RLN2: variants seen among roughly 807,000 people sequenced by gnomAD.
The protein encoded by RLN2 is prorelaxin H2.
RLN2 carries 10 observed loss-of-function variants against 7.3 expected under a neutral mutation model. The observed-to-expected ratio is 1.36, with a 90% CI of 0.84 to 2.31. RLN2 has a LOEUF of 2.31. RLN2 is among the 30% of genes most tolerant of loss of function. The pLI is 0.00. For synonymous variants in RLN2, 103 were observed against 82.3 expected (o/e 1.25, Z -1.36); for missense variants, 298 against 217.6 (o/e 1.37, Z -2.32).
At chr9:5,306,102 G>GTTTTTTTTTTTTT (rs57304439), upstream of RLN2, among the ~76,000 whole-genome samples, 1 of 123,436 alleles carries the variant, frequency 8.1e-6, no homozygotes, top group African/African-American at 3.3e-5. Flanking sequence ...CTTTGTTTTT[G>GTTTTTTTTTTTTT]TTTTTTGTTT....
upstream of RLN2, among the ~76,000 whole-genome samples, chr9:5,309,020 A>G (rs1219269707): frequency 6.6e-6 from 1 of 152,024 alleles, no homozygotes; most frequent in African/African-American, 2.4e-5. Flanking sequence ...CTGTAATTCT[A>G]TGTAATTAAT....
rs751907055 is a variant in RLN2 at position 5,304,499 on chromosome 9, T to C, written c.82A>G (p.Met28Val). Reference protein sequence around the residue: ...QFSRAVADSWMEEVIKLCGRE... With the variant: ...QFSRAVADSWVEEVIKLCGRE... ...CCGCATAATTTAATAACTTCCTCCA[T>C]CCATGAGTCCGCGACTGCTCTGGAA... The change falls in exon 1 of 2, where the codon ATG (methionine) becomes GTG (valine). Residue 28 changes from methionine to valine, a missense_variant. Met to Val is a conservative substitution (Grantham distance 21). Coordinates refer to ENST00000381627, the MANE Select transcript of RLN2 (RefSeq NM_134441.3). The C allele has an allele frequency of 5.6e-6, 9 of 1,613,614 alleles. No homozygotes were observed. The highest frequency in any genetic ancestry group is 7.6e-6 in the Non-Finnish European group (9 of 1,179,922).
the RLN2 span, among the ~76,000 whole-genome samples, chr9:5,332,648 G>C: frequency 6.7e-6 from 1 of 149,744 alleles, no homozygotes; most frequent in South Asian, 2.1e-4. Flanking sequence ...GTGATACAGT[G>C]TTTCACTCTT....
the RLN2 span, chr9:5,335,222 T>C: frequency 2.8e-6 from 4 of 1,408,406 alleles, no homozygotes; most frequent in South Asian, 2.8e-5. Flanking sequence ...GTGTGAAAAT[T>C]AGACAAGATG....
the RLN2 span, among the ~76,000 whole-genome samples, chr9:5,337,089 A>G: frequency 6.6e-6 from 1 of 152,098 alleles, no homozygotes; most frequent in Non-Finnish European, 1.5e-5. Flanking sequence ...ATGACAGATG[A>G]GAATTTATAT....
At chr9:5,301,712 G>A (rs768189154) in intron 1 of RLN2, among the ~76,000 whole-genome samples, 12 of 152,122 alleles carry the variant, frequency 7.9e-5, no homozygotes, top group East Asian at 5.8e-4. Flanking sequence ...AGGAAACCAC[G>A]ACCCTTCACC....
chr9:5,319,339 T>G, the RLN2 span, among the ~76,000 whole-genome samples: 3 of 151,972 alleles, frequency 2.0e-5, no homozygotes, highest in South Asian at 6.3e-4. Flanking sequence ...CTTTCTAACA[T>G]AGCCATTGAG....
upstream of RLN2, among the ~76,000 whole-genome samples, chr9:5,306,924 C>T (rs1816261947): frequency 6.6e-6 from 1 of 152,076 alleles, no homozygotes. Flanking sequence ...CTAATACAAC[C>T]TAAGCACAAG....
the RLN2 span, among the ~76,000 whole-genome samples, chr9:5,313,625 G>C: frequency 6.6e-6 from 1 of 151,902 alleles, no homozygotes; most frequent in Non-Finnish European, 1.5e-5. Context: ...TGCATACATT[G>C]TGAAATGATC....
At chr9:5,314,318 T>C in the RLN2 span, among the ~76,000 whole-genome samples, 1 of 152,124 alleles carries the variant, frequency 6.6e-6, no homozygotes, top group Non-Finnish European at 1.5e-5. Context: ...TCCTATTTCT[T>C]GGGGCCAAGC....
chr9:5,311,817 GTAT>G, the RLN2 span: 4 of 637,254 alleles, frequency 6.3e-6, no homozygotes, highest in East Asian at 2.9e-5. Flanking sequence ...TTTTTTTTTA[GTAT>G]TTTTTTTCTT....
At chr9:5,307,801 C>T (rs1274727189), upstream of RLN2, among the ~76,000 whole-genome samples, 2 of 152,100 alleles carry the variant, frequency 1.3e-5, no homozygotes, top group South Asian at 2.1e-4. Flanking sequence ...TTGCTTGTGG[C>T]CTTCTACCTG....
upstream of RLN2, among the ~76,000 whole-genome samples, chr9:5,307,868 A>G (rs1816282730): frequency 6.6e-6 from 1 of 151,994 alleles, no homozygotes; most frequent in Admixed American, 6.5e-5. Context: ...TGTAAGAGAA[A>G]CTTATTTTTA....
rs1015830528 is a variant in RLN2 at position 5,304,603 on chromosome 9, G to A, written c.-23C>T. The A allele has an allele frequency of 1.2e-6, 2 of 1,611,246 alleles. No homozygotes were observed. The highest frequency in any genetic ancestry group is 1.7e-6 in the Non-Finnish European group (2 of 1,177,692). Reference sequence around the variant, plus strand: ...CATCCTGGGCCTGGTCTCTCCTGGAGGTCGGGACGTTGCAGCCTTTCAGGA... The same window carrying A: ...CATCCTGGGCCTGGTCTCTCCTGGAAGTCGGGACGTTGCAGCCTTTCAGGA... On this transcript the variant is annotated 5_prime_UTR_variant, in exon 1 of 2. Coordinates refer to ENST00000381627, the MANE Select transcript of RLN2 (RefSeq NM_134441.3).
At chr9:5,332,550 G>T in the RLN2 span, among the ~76,000 whole-genome samples, 1 of 151,464 alleles carries the variant, frequency 6.6e-6, no homozygotes, top group Non-Finnish European at 1.5e-5. Context: ...ACAGACAGCA[G>T]ATTGGAACAA....
chr9:5,336,057 T>C, the RLN2 span, among the ~76,000 whole-genome samples: 2 of 152,044 alleles, frequency 1.3e-5, no homozygotes, highest in Non-Finnish European at 2.9e-5. Context: ...TATTTTAAGC[T>C]ACTCAATGTT....
Position 5,300,308 on chromosome 9 carries a change from T to C in RLN2, c.348A>G (p.Val116=). The C allele has an allele frequency of 4.3e-6, 7 of 1,614,034 alleles. No individual in the cohort carries two copies. Among genetic ancestry groups the C allele is most frequent in the Non-Finnish European group, 5.9e-6 (7 of 1,179,912 alleles). ...QPALPQLQQH[V]PVLKDSSLLF... ...GAAGACTGGAATCTTTTAATACAGG[T>C]ACATGTTGTTGTAGCTGTGGTAATG... Residue 116 remains valine (V), a synonymous_variant, in exon 2 of 2, where the codon GTA becomes GTG. Coordinates refer to ENST00000381627, the MANE Select transcript of RLN2 (RefSeq NM_134441.3).
chr9:5,302,036 T>G (rs1024747500), intron 1 of RLN2, among the ~76,000 whole-genome samples: 2 of 152,220 alleles, frequency 1.3e-5, no homozygotes, highest in Non-Finnish European at 2.9e-5. Context: ...CTTTCTGTAG[T>G]TGGGGCCTTA....
chr9:5,301,794 G>A (rs1300100968), intron 1 of RLN2, among the ~76,000 whole-genome samples: 3 of 151,642 alleles, frequency 2.0e-5, no homozygotes, highest in Non-Finnish European at 4.4e-5. Flanking sequence ...TCCCCTTCTA[G>A]CCAACAAAAA....
Sources: allele counts gnomAD v4.1 joint callset (sites outside exome capture counted in the v4.1 genomes callset), GRCh38; gene constraint gnomAD v4.1.1; transcripts MANE v1.5; gene names NCBI Gene and HGNC (gene_info 2026-07-23, HGNC 2026-07-21).